The following PLD1 variants were observed in gnomAD, a reference collection of about 807,000 sequenced individuals.
PLD1 encodes the protein phospholipase D1, also known as choline phosphatase 1.
Under a neutral mutation model 137.1 loss-of-function variants are expected in PLD1, and 112 were observed. That is an observed-to-expected ratio of 0.82 (90% CI 0.70 to 0.96). The LOEUF is 0.96. Ranked by LOEUF, PLD1 falls within the 40% of genes least tolerant of loss-of-function variation. The probability of loss-of-function intolerance (pLI) is 0.00; values close to 1 mark genes in which losing one functional copy is unlikely to be tolerated. For missense variants in PLD1, 1,321 were observed against 1,342.0 expected (o/e 0.98, Z 0.24); for synonymous variants, 431 against 454.7 (o/e 0.95, Z 0.66).
chr3:171,764,930 A>G (rs373278645), intron 1 of PLD1, among the ~76,000 whole-genome samples: 9,860 of 27,272 alleles, frequency 0.36, 2,638 homozygotes, highest in Admixed American at 0.47. Flanking sequence ...GAAAGGAAAG[A>G]AAGGAAAGAA....
intron 19 of PLD1, among the ~76,000 whole-genome samples, chr3:171,667,188 G>A (rs1489356416): frequency 6.6e-6 from 1 of 152,162 alleles, no homozygotes; most frequent in East Asian, 1.9e-4. Context: ...CACAAGCAGA[G>A]GCCAACTGTG....
chr3:171,623,514 G>C (rs920909355), intron 23 of PLD1, among the ~76,000 whole-genome samples: 1 of 151,266 alleles, frequency 6.6e-6, no homozygotes, highest in Non-Finnish European at 1.5e-5. Context: ...AATAGAGACA[G>C]GGTTTCACCA....
intron 11 of PLD1, among the ~76,000 whole-genome samples, chr3:171,703,904 G>T (rs1217383974): frequency 7.2e-5 from 11 of 152,172 alleles, no homozygotes. Flanking sequence ...CTGAGGCAGG[G>T]GAAATCTCCT....
At chr3:171,630,739 C>T (rs111566748) in intron 23 of PLD1, among the ~76,000 whole-genome samples, 9,249 of 145,860 alleles carry the variant, frequency 0.063, 797 homozygotes, top group African/African-American at 0.21. Flanking sequence ...TTGGAAATCA[C>T]CATTCTCAGT....
At chr3:171,661,161 C>G (rs947420742) in intron 20 of PLD1, among the ~76,000 whole-genome samples, 3 of 152,146 alleles carry the variant, frequency 2.0e-5, no homozygotes, top group Non-Finnish European at 4.4e-5. Context: ...ACTTAGGTTT[C>G]TCTAGCCAGG....
At chr3:171,771,387 GC>G (rs1317381020) in intron 1 of PLD1, 1 of 152,306 alleles carries the variant, frequency 6.6e-6, no homozygotes, top group African/African-American at 2.4e-5. Context: ...TTAAGTCATA[GC>G]CAAGCCCACA....
In PLD1 at chr3:171,711,167, CTTTTT is replaced by C. The variant is rs562934959; in HGVS notation, c.912-1463_912-1459del. On this transcript the variant is annotated intron_variant, in intron 9 of 26. Coordinates refer to ENST00000351298, the MANE Select transcript of PLD1 (RefSeq NM_002662.5). Reference sequence around the variant, plus strand: ...TACAGGCATGAGCCACTGTGCCAGCCTTTTTTTTTTTTTTTTTTTTTTGAAATGGA... The same window carrying C: ...TACAGGCATGAGCCACTGTGCCAGCCTTTTTTTTTTTTTTTTTGAAATGGA... Among the ~76,000 whole-genome samples the C allele has an allele frequency of 4.9e-3, 468 of 94,782 alleles. 2 individuals are homozygous for C. Among genetic ancestry groups the C allele is most frequent in the Non-Finnish European group, 7.8e-3 (394 of 50,514 alleles). The allele number at this position is 94,782 out of a possible 152,430, so 62.2% of individuals were successfully genotyped here.
chr3:171,653,459 T>G (rs1426003322), intron 21 of PLD1: 1 of 152,004 alleles, frequency 6.6e-6, no homozygotes, highest in African/African-American at 2.4e-5. Context: ...CCAGGAAGAG[T>G]CAGCTATAGG....
chr3:171,777,554 A>G (rs1722632316), intron 1 of PLD1, among the ~76,000 whole-genome samples: 1 of 152,122 alleles, frequency 6.6e-6, no homozygotes, highest in Non-Finnish European at 1.5e-5. Flanking sequence ...TCTAGTTCCT[A>G]CCCTGTTTTT....
intron 23 of PLD1, among the ~76,000 whole-genome samples, chr3:171,621,019 T>A (rs907009429): frequency 5.3e-5 from 8 of 151,950 alleles, no homozygotes; most frequent in African/African-American, 1.9e-4. Context: ...GCTACATCAT[T>A]TGTAGCATAT....
intron 23 of PLD1, among the ~76,000 whole-genome samples, chr3:171,626,127 C>T (rs1313111550): frequency 6.6e-6 from 1 of 152,132 alleles, no homozygotes. Flanking sequence ...GAATGTATAA[C>T]TGGAATAACC....
chr3:171,796,793 A>G (rs1723455445), intron 1 of PLD1, among the ~76,000 whole-genome samples: 1 of 151,954 alleles, frequency 6.6e-6, no homozygotes, highest in Non-Finnish European at 1.5e-5. Flanking sequence ...TCAACTACCA[A>G]ATCTGTGGCT....
chr3:171,760,156 A>C (rs570734103), intron 1 of PLD1, among the ~76,000 whole-genome samples: 104 of 145,338 alleles, frequency 7.2e-4, no homozygotes, highest in African/African-American at 2.4e-3. Context: ...TTACATTTTT[A>C]CAGATCTACA....
At chr3:171,751,818 G>A (rs1028293624) in intron 1 of PLD1, among the ~76,000 whole-genome samples, 4 of 152,158 alleles carry the variant, frequency 2.6e-5, no homozygotes, top group African/African-American at 9.7e-5. Context: ...GGCTAACACG[G>A]TGAAACCCCA....
chr3:171,638,656 T>C (rs1339031680), intron 23 of PLD1, among the ~76,000 whole-genome samples: 1 of 152,246 alleles, frequency 6.6e-6, no homozygotes, highest in Non-Finnish European at 1.5e-5. Flanking sequence ...TACTTGTTAT[T>C]GCTCTATTTA....
intron 11 of PLD1, among the ~76,000 whole-genome samples, chr3:171,700,820 A>G (rs2108543927): frequency 6.6e-6 from 1 of 152,330 alleles, no homozygotes; most frequent in African/African-American, 2.4e-5. Context: ...TTCACAAGGC[A>G]GCTAAGAGTA....
chr3:171,612,233 T>C lies in PLD1; in HGVS notation c.2882+46A>G. 6.3e-7 allele frequency: 1 copy of C among 1,591,918 alleles called. No homozygotes were observed. The highest frequency in any genetic ancestry group is 8.6e-7 in the Non-Finnish European group (1 of 1,162,706). ...GCTAGCGGGGCTGGGTCCCAGCGAC[T>C]GCTGCAGTGGAAATGCATCAGAGAG... On this transcript the variant is annotated intron_variant, in intron 25 of 26. Coordinates refer to ENST00000351298, the MANE Select transcript of PLD1 (RefSeq NM_002662.5). This position sits in a 1 kb window ranked among gnomAD's most constrained non-coding sequence, Gnocchi z 4.1.
intron 1 of PLD1, chr3:171,788,643 A>G (rs1265479910): frequency 6.6e-6 from 1 of 152,220 alleles, no homozygotes; most frequent in Non-Finnish European, 1.5e-5. Flanking sequence ...TGTTTCCTGA[A>G]CACTCATCCA....
At position 171,688,802 on chromosome 3, in the gene PLD1, G is replaced by T. The variant is rs1282262179; in HGVS notation, c.1413C>A (p.Asp471Glu). The T allele has an allele frequency of 6.2e-7, 1 of 1,613,954 alleles. No homozygotes were observed. The highest frequency in any genetic ancestry group is 2.2e-5 in the East Asian group (1 of 44,894). Residue 471 changes from aspartate to glutamate, a missense_variant, in exon 14 of 27, where the codon GAC becomes GAA. Asp to Glu is a conservative substitution (Grantham distance 45, BLOSUM62 2). Transcript: ENST00000351298. ...WAHHEKLVII[D>E]QSVAFVGGID... ...TCCCTCCCACAAAGGCCACCGATTGGTCAATGATGACAAGCTTCTCATGGT... is the reference window on the plus strand; with the variant it reads ...TCCCTCCCACAAAGGCCACCGATTGTTCAATGATGACAAGCTTCTCATGGT...
Sources: allele counts gnomAD v4.1 joint callset (sites outside exome capture counted in the v4.1 genomes callset), GRCh38; gene constraint gnomAD v4.1.1; non-coding constraint Gnocchi (gnomAD v3.1); transcripts MANE v1.5; gene names NCBI Gene and HGNC (gene_info 2026-07-23, HGNC 2026-07-21).